Variants in FBXW11 observed in about 807,000 individuals in gnomAD.
FBXW11 encodes the protein F-box and WD repeat domain containing 11.
A neutral mutation model predicts 77.6 loss-of-function variants in FBXW11; 19 were observed. The ratio of observed to expected loss-of-function variants is 0.24; its 90% confidence interval spans 0.17 to 0.36. FBXW11 has a LOEUF of 0.36. FBXW11 is among the 10% of genes least tolerant of loss of function. The pLI, the probability that FBXW11 is intolerant of heterozygous loss-of-function variation, is 1.00. For synonymous variants in FBXW11, 235 were observed against 249.4 expected (o/e 0.94, Z 0.54); for missense variants, 334 against 704.2 (o/e 0.47, Z 5.95).
At chr5:171,919,226 T>C (rs532609358) in intron 2 of FBXW11, among the ~76,000 whole-genome samples, 1 of 152,296 alleles carries the variant, frequency 6.6e-6, no homozygotes, top group African/African-American at 2.4e-5. Context: ...GGAAGCCATA[T>C]ATATACAGCT....
chr5:171,894,232 A>G (rs1759587886), intron 6 of FBXW11, among the ~76,000 whole-genome samples: 1 of 152,190 alleles, frequency 6.6e-6, no homozygotes, highest in Admixed American at 6.5e-5. Context: ...TCTATCCCCA[A>G]CCCTCAAGTA....
chr5:171,976,353 A>C (rs1199900145), intron 1 of FBXW11, among the ~76,000 whole-genome samples: 1 of 152,202 alleles, frequency 6.6e-6, no homozygotes, highest in African/African-American at 2.4e-5. Flanking sequence ...CTCACTTTGG[A>C]AGTAGAAATA....
At chr5:171,878,632 G>GTGT (rs1187011620) in intron 7 of FBXW11, among the ~76,000 whole-genome samples, 1 of 149,126 alleles carries the variant, frequency 6.7e-6, no homozygotes, top group East Asian at 1.9e-4. Context: ...GTGTGTGTGT[G>GTGT]TTTTAATTAG....
intron 4 of FBXW11, among the ~76,000 whole-genome samples, chr5:171,900,541 T>C (rs2113883490): frequency 6.6e-6 from 1 of 152,278 alleles, no homozygotes; most frequent in South Asian, 2.1e-4. Context: ...TTCATTCCCA[T>C]CTTACTCACT....
At chr5:171,987,068 A>C (rs1765484053) in intron 1 of FBXW11, among the ~76,000 whole-genome samples, 1 of 152,178 alleles carries the variant, frequency 6.6e-6, no homozygotes, top group African/African-American at 2.4e-5. Flanking sequence ...CATGCTCTTT[A>C]AGAGAATCCA....
At chr5:171,994,445 T>C (rs1367650241) in intron 1 of FBXW11, among the ~76,000 whole-genome samples, 14 of 152,216 alleles carry the variant, frequency 9.2e-5, no homozygotes, top group Admixed American at 8.5e-4. Flanking sequence ...GCCAACGTGA[T>C]GCTCAAAAGA....
chr5:171,903,739 A>G (rs991676071), intron 4 of FBXW11, among the ~76,000 whole-genome samples: 2 of 151,966 alleles, frequency 1.3e-5, no homozygotes, highest in Non-Finnish European at 2.9e-5. Context: ...TTGACCTTCC[A>G]GAATCAAGTG....
At chr5:172,001,064 G>A (rs1454153116) in intron 1 of FBXW11, among the ~76,000 whole-genome samples, 2 of 152,126 alleles carry the variant, frequency 1.3e-5, no homozygotes, top group African/African-American at 4.8e-5. Flanking sequence ...TATGTCTATG[G>A]ATGTCCTATA....
chr5:171,975,712 T>A (rs1764792372), intron 1 of FBXW11, among the ~76,000 whole-genome samples: 2 of 152,114 alleles, frequency 1.3e-5, no homozygotes, highest in South Asian at 4.1e-4. Flanking sequence ...ACAGGGGGTG[T>A]AAATCTGGCA....
Position 171,942,072 on chromosome 5 carries a change from T to C in FBXW11, c.147+15525A>G, listed in dbSNP as rs1476547431. ...CTCAAGCTTATAGAAAAGTTATTAG[T>C]ATAACACACAGAACCTTTTGTTTCT... On this transcript the variant is annotated intron_variant, in intron 2 of 13. Transcript: ENST00000517395. Among the ~76,000 whole-genome samples the C allele has an allele frequency of 2.6e-5, 4 of 151,558 alleles. 1 individual carries two copies. The highest frequency in any genetic ancestry group is 9.7e-5 in the African/African-American group (4 of 41,118).
intron 1 of FBXW11, among the ~76,000 whole-genome samples, chr5:171,978,541 G>A (rs1288011395): frequency 6.6e-6 from 1 of 152,220 alleles, no homozygotes; most frequent in Non-Finnish European, 1.5e-5. Context: ...CCTTGAAGCT[G>A]TCAGTGAAGC....
intron 1 of FBXW11, among the ~76,000 whole-genome samples, chr5:171,997,860 G>T (rs543153509): frequency 3.9e-5 from 6 of 152,096 alleles, no homozygotes; most frequent in African/African-American, 1.4e-4. Flanking sequence ...GAACTTACTC[G>T]AACATAAATT....
intron 1 of FBXW11, among the ~76,000 whole-genome samples, chr5:171,990,099 A>G (rs1311446260): frequency 1.3e-5 from 2 of 151,910 alleles, no homozygotes; most frequent in African/African-American, 4.8e-5. Context: ...AAGACAGAGT[A>G]AGAGAGGGAA....
chr5:171,980,384 T>C (rs1226195850), intron 1 of FBXW11, among the ~76,000 whole-genome samples: 1 of 152,178 alleles, frequency 6.6e-6, no homozygotes, highest in East Asian at 1.9e-4. Flanking sequence ...TGGACTTCAT[T>C]AGTATTAAGA....
chr5:171,998,880 A>T (rs1178337236), intron 1 of FBXW11, among the ~76,000 whole-genome samples: 3 of 152,086 alleles, frequency 2.0e-5, no homozygotes, highest in African/African-American at 7.2e-5. Flanking sequence ...CAAAGATTGT[A>T]ACTGTGACAA....
rs34099380 is a variant in FBXW11, at chr5:171,878,603, AGT to A, written c.853-476_853-475del. ...GTGTGTGTGTGTGTAAGAGAGAGAG[AGT>A]GTGTGTGTGTGTGTGTGTGTGTGTG... On this transcript the variant is annotated intron_variant, in intron 7 of 13. Coordinates refer to ENST00000517395, the MANE Select transcript of FBXW11 (RefSeq NM_001378974.1). Among the ~76,000 whole-genome samples, 669 of 128,552 alleles carry A rather than the reference AGT, an allele frequency of 5.2e-3. 8 individuals carry two copies. The highest frequency in any genetic ancestry group is 0.017 in the African/African-American group (565 of 33,904). 84.3% of individuals were successfully genotyped at this position (128,552 alleles called of 152,430 possible). A position where few individuals can be genotyped will look rare whatever the true frequency, so the allele number is the denominator to read the frequency against.
intron 2 of FBXW11, among the ~76,000 whole-genome samples, chr5:171,956,298 A>G (rs1763609429): frequency 6.6e-6 from 1 of 152,236 alleles, no homozygotes; most frequent in Non-Finnish European, 1.5e-5. Context: ...GTTACATCGC[A>G]TGCACAGAAG....
chr5:171,983,108 T>C (rs936066362), intron 1 of FBXW11, among the ~76,000 whole-genome samples: 7 of 152,114 alleles, frequency 4.6e-5, no homozygotes, highest in Non-Finnish European at 2.9e-5. Flanking sequence ...CAGGATTGCT[T>C]AAGCCCGAAA....
chr5:171,940,851 C>T (rs1000331300), intron 2 of FBXW11, among the ~76,000 whole-genome samples: 1 of 149,608 alleles, frequency 6.7e-6, no homozygotes, highest in Non-Finnish European at 1.5e-5. Flanking sequence ...TGCACCACTG[C>T]ACTCCAGCCT....
Sources: gnomAD v4.1 joint callset for allele counts (sites outside exome capture counted in the v4.1 genomes callset) on GRCh38, gnomAD v4.1.1 for gene constraint, MANE v1.5 for transcripts, NCBI Gene and HGNC (gene_info 2026-07-23, HGNC 2026-07-21) for gene names.